Variants in CYREN observed in about 807,000 individuals in gnomAD.
CYREN encodes the protein cell cycle regulator of NHEJ.
A neutral mutation model predicts 9.7 loss-of-function variants in CYREN; 7 were observed. The ratio of observed to expected loss-of-function variants is 0.72; its 90% CI spans 0.41 to 1.36. CYREN has a LOEUF of 1.36. Among genes scored for constraint, CYREN ranks in the 40% most tolerant of loss-of-function variants. The pLI, the probability that CYREN is intolerant of heterozygous loss-of-function variation, is 0.01. For synonymous variants in CYREN, 76 were observed against 77.9 expected (o/e 0.98, Z 0.13); for missense variants, 215 against 198.1 (o/e 1.09, Z -0.51).
intron 3 of CYREN, 31 bp from the exon 4 acceptor site, chr7:135,166,902 ATAC>A: frequency 6.2e-7 from 1 of 1,601,746 alleles, no homozygotes; most frequent in South Asian, 1.1e-5. Context: ...CAGGCTCAAC[ATAC>A]GTGTTTTATT....
intron 2 of CYREN, chr7:135,101,293 T>C: frequency 2.2e-6 from 1 of 455,364 alleles, no homozygotes; most frequent in Non-Finnish European, 4.4e-6. Flanking sequence ...TACTTGTTTT[T>C]ATTGTTTAAG....
downstream of CYREN, chr7:135,165,128 G>T: frequency 8.3e-7 from 1 of 1,208,442 alleles, no homozygotes; most frequent in Non-Finnish European, 1.1e-6. Context: ...AGGAGGTGGG[G>T]CCCCTGTGTC....
At chr7:135,139,379 GTCTTC>G (rs888777485) in intron 2 of CYREN, among the ~76,000 whole-genome samples, 1 of 150,796 alleles carries the variant, frequency 6.6e-6, no homozygotes, top group African/African-American at 2.4e-5. Context: ...CCATGTGTAT[GTCTTC>G]TCTTGAGAAG....
chr7:135,164,332 G>A, downstream of CYREN: 1 of 1,161,884 alleles, frequency 8.6e-7, no homozygotes, highest in South Asian at 1.5e-5. Flanking sequence ...GAGTTTGTAA[G>A]AAATGCCAAA....
chr7:135,156,290 T>C (rs1286639503), intron 2 of CYREN, among the ~76,000 whole-genome samples: 1 of 152,228 alleles, frequency 6.6e-6, no homozygotes, highest in Non-Finnish European at 1.5e-5. Context: ...TTTCTTTAAA[T>C]ATGTTTTCTA....
At chr7:135,096,584 CATAGATAGATAGATAG>C (rs71172496) in intron 2 of CYREN, among the ~76,000 whole-genome samples, 1 of 88,816 alleles carries the variant, frequency 1.1e-5, no homozygotes, top group Non-Finnish European at 2.4e-5. Context: ...TAGATAGATA[CATAGATAGATAGATAG>C]ATAGATAGAT....
Position 135,166,426 on chromosome 7 carries a change from G to A in CYREN, c.*185C>T, listed in dbSNP as rs1040199901. On this transcript the variant is annotated 3_prime_UTR_variant, in exon 4 of 4. Coordinates refer to ENST00000393114, the MANE Select transcript of CYREN (RefSeq NM_024033.4). ...GTCCTGCCTTCCGCACACTCAGAAC[G>A]GCAGCCCCAAGGCCCGGAGTGTCCA... is the stretch of plus-strand genomic sequence containing the variant. 6.4e-5 allele frequency: 54 copies of A among 840,024 alleles called. No homozygotes were observed. Among genetic ancestry groups the A allele is most frequent in the Non-Finnish European group, 8.8e-5 (50 of 570,888 alleles). The allele number at this position is 840,024 out of a possible 1,614,324, so 52.0% of individuals were successfully genotyped here.
rs145444256 is a variant in CYREN, at chr7:135,120,641, G to A, written n.357-26059C>T. Among the ~76,000 whole-genome samples, 1,083 of 152,250 alleles carry A rather than the reference G, an allele frequency of 7.1e-3. 8 individuals are homozygous for A. Among genetic ancestry groups the A allele is most frequent in the Non-Finnish European group, 0.012 (792 of 68,014 alleles). On this transcript the variant is annotated intron_variant and non_coding_transcript_variant, in intron 2 of 2. Coordinates refer to the CYREN transcript ENST00000459937. ...AAATGACCTAAATACAACAGTTAAG[G>A]ACAGATTAACAGAATGAATTTTAAA... is the stretch of plus-strand genomic sequence containing the variant.
intron 2 of CYREN, among the ~76,000 whole-genome samples, chr7:135,099,322 A>C (rs1172261608): frequency 1.3e-5 from 2 of 152,126 alleles, no homozygotes; most frequent in African/African-American, 4.8e-5. Context: ...TTCTCTTGAA[A>C]CAGTTTAATT....
At chr7:135,122,551 TG>T (rs1827282482) in intron 2 of CYREN, among the ~76,000 whole-genome samples, 1 of 152,130 alleles carries the variant, frequency 6.6e-6, no homozygotes, top group Non-Finnish European at 1.5e-5. Flanking sequence ...CTTCGTTAAA[TG>T]GGTCCTGTTC....
intron 2 of CYREN, chr7:135,115,372 C>T: frequency 6.5e-7 from 1 of 1,526,958 alleles, no homozygotes; most frequent in Non-Finnish European, 8.9e-7. Context: ...TTTGTGGTTG[C>T]TCCCCAGATC....
At chr7:135,170,336 GT>G (rs1830563332) in intron 1 of CYREN, 1 of 152,416 alleles carries the variant, frequency 6.6e-6, no homozygotes, top group Admixed American at 6.5e-5. Flanking sequence ...GGAACGCGAT[GT>G]GCTGCCAGTT....
upstream of CYREN, among the ~76,000 whole-genome samples, chr7:135,171,031 C>T (rs1830627356): frequency 6.6e-6 from 1 of 152,258 alleles, no homozygotes; most frequent in Non-Finnish European, 1.5e-5. Flanking sequence ...CCGGGAATTC[C>T]CTCAGAAACC....
intron 2 of CYREN, among the ~76,000 whole-genome samples, chr7:135,098,002 T>G (rs1189937415): frequency 3.3e-5 from 5 of 152,186 alleles, no homozygotes; most frequent in Non-Finnish European, 7.4e-5. Context: ...ACATTCAATG[T>G]GCTTTAGATA....
chr7:135,169,799 C>G (rs1026714610), intron 1 of CYREN, among the ~76,000 whole-genome samples: 40 of 152,116 alleles, frequency 2.6e-4, no homozygotes, highest in African/African-American at 9.4e-4. Flanking sequence ...GCTCCTGAAG[C>G]GGAGGTTTGC....
chr7:135,121,636 G>A (rs1827144909), intron 2 of CYREN, among the ~76,000 whole-genome samples: 1 of 152,006 alleles, frequency 6.6e-6, no homozygotes, highest in Admixed American at 6.6e-5. Flanking sequence ...CTCTGGGATG[G>A]GGCCAAGATG....
chr7:135,141,998 C>T (rs573439294), intron 2 of CYREN, among the ~76,000 whole-genome samples: 1 of 152,158 alleles, frequency 6.6e-6, no homozygotes, highest in African/African-American at 2.4e-5. Flanking sequence ...GTGCCATATG[C>T]AAATGAGAAG....
In CYREN at chr7:135,167,475, G is replaced by A. The variant is rs116364282; in HGVS notation, c.213+257C>T. 1.5e-4 allele frequency: 201 copies of A among 1,357,662 alleles called. No individual in the cohort carries two copies. In the African/African-American group the frequency reaches 2.0e-3, roughly 13 times the overall value. The allele number at this position is 1,357,662 out of a possible 1,614,324, so 84.1% of individuals were successfully genotyped here. On this transcript the variant is annotated intron_variant, in intron 3 of 3. Coordinates refer to ENST00000393114, the MANE Select transcript of CYREN (RefSeq NM_024033.4). ...CACATACACACCAGTGCACAGTCAC[G>A]CTCTCCCTAACACACACACGCCCTC...
chr7:135,156,625 T>G (rs1312633420), intron 2 of CYREN, among the ~76,000 whole-genome samples: 1 of 152,190 alleles, frequency 6.6e-6, no homozygotes, highest in African/African-American at 2.4e-5. Flanking sequence ...ATTTTCTGAT[T>G]TCTTTGTATT....
Sources: allele counts gnomAD v4.1 joint callset (sites outside exome capture counted in the v4.1 genomes callset), GRCh38; gene constraint gnomAD v4.1.1; transcripts MANE v1.5; gene names NCBI Gene and HGNC (gene_info 2026-07-23, HGNC 2026-07-21).